The following DGKB variants were observed in gnomAD, a reference collection of about 807,000 sequenced individuals.
DGKB encodes 90 kDa diacylglycerol kinase.
Under a neutral mutation model 114.3 loss-of-function variants are expected in DGKB, and 67 were observed. The observed-to-expected ratio is 0.59, with a 90% CI of 0.48 to 0.72. The LOEUF (loss-of-function observed/expected upper bound fraction) is 0.72, where lower values mean the gene tolerates loss of function less well. Ranked by LOEUF, DGKB falls within the 30% of genes least tolerant of loss-of-function variation. The pLI, the probability that DGKB is intolerant of heterozygous loss-of-function variation, is 0.00. For synonymous variants in DGKB, 398 were observed against 323.1 expected (o/e 1.23, Z -2.49); for missense variants, 907 against 975.2 (o/e 0.93, Z 0.93).
intron 20 of DGKB, among the ~76,000 whole-genome samples, chr7:14,549,474 A>T (rs894496183): frequency 2.0e-5 from 3 of 152,110 alleles, no homozygotes; most frequent in African/African-American, 7.2e-5. Flanking sequence ...TAGTTATTTT[A>T]AAATATTCTA....
At chr7:14,279,049 C>T (rs1227244931) in intron 23 of DGKB, among the ~76,000 whole-genome samples, 2 of 152,146 alleles carry the variant, frequency 1.3e-5, no homozygotes, top group African/African-American at 2.4e-5. Context: ...CGAAGCAGGG[C>T]GAGGCATTGC....
intron 1 of DGKB, among the ~76,000 whole-genome samples, chr7:14,923,042 A>T (rs1784584322): frequency 1.3e-5 from 2 of 152,106 alleles, no homozygotes; most frequent in Admixed American, 1.3e-4. Flanking sequence ...TCTGGTAACC[A>T]TTCTTCTAGA....
chr7:14,534,540 G>A (rs539826482), intron 20 of DGKB, among the ~76,000 whole-genome samples: 1 of 152,144 alleles, frequency 6.6e-6, no homozygotes, highest in Non-Finnish European at 1.5e-5. Flanking sequence ...GAACCAACTA[G>A]ATGCTTTCTC....
intron 21 of DGKB, among the ~76,000 whole-genome samples, chr7:14,352,231 T>A (rs1045438105): frequency 2.0e-5 from 3 of 152,196 alleles, no homozygotes; most frequent in African/African-American, 4.8e-5. Context: ...GAATTACTTT[T>A]ACAGGACTAA....
intron 1 of DGKB, among the ~76,000 whole-genome samples, chr7:14,889,263 A>G (rs1399878786): frequency 6.6e-6 from 1 of 151,712 alleles, no homozygotes; most frequent in Non-Finnish European, 1.5e-5. Flanking sequence ...TCCAAAGTTC[A>G]GCTCTACCAG....
chr7:14,775,844 T>C (rs1158642935), intron 2 of DGKB, among the ~76,000 whole-genome samples: 7 of 151,952 alleles, frequency 4.6e-5, no homozygotes, highest in African/African-American at 1.4e-4. Flanking sequence ...AAATTGGTCA[T>C]GGGAGGAGTG....
intron 23 of DGKB, among the ~76,000 whole-genome samples, chr7:14,334,073 T>C (rs1391248582): frequency 6.6e-6 from 1 of 152,156 alleles, no homozygotes; most frequent in Non-Finnish European, 1.5e-5. Flanking sequence ...TGAGGAAAAA[T>C]ACATCTTATG....
intron 23 of DGKB, among the ~76,000 whole-genome samples, chr7:14,307,250 CTCTT>C (rs745863357): frequency 1.3e-5 from 2 of 152,066 alleles, no homozygotes; most frequent in Non-Finnish European, 2.9e-5. Context: ...CAAACTATAC[CTCTT>C]TCTAATTTCT....
At chr7:14,493,600 A>T (rs527595401) in intron 20 of DGKB, among the ~76,000 whole-genome samples, 7 of 152,158 alleles carry the variant, frequency 4.6e-5, no homozygotes, top group Admixed American at 1.3e-4. Context: ...CGAGTGACCT[A>T]AGTGGCAGGT....
chr7:14,847,040 C>A (rs1848713422), intron 1 of DGKB, among the ~76,000 whole-genome samples: 1 of 152,068 alleles, frequency 6.6e-6, no homozygotes, highest in Non-Finnish European at 1.5e-5. Context: ...CCTGTAATCC[C>A]AGGACTTTGG....
chr7:14,338,949 G>A (rs1811144706), intron 22 of DGKB, among the ~76,000 whole-genome samples: 1 of 151,968 alleles, frequency 6.6e-6, no homozygotes, highest in African/African-American at 2.4e-5. Flanking sequence ...TAAATCACCA[G>A]TATATCTTTG....
chr7:14,479,502 A>G (rs924263821), intron 20 of DGKB, among the ~76,000 whole-genome samples: 17 of 152,150 alleles, frequency 1.1e-4, no homozygotes, highest in Non-Finnish European at 2.2e-4. Flanking sequence ...AACAATGCTT[A>G]TAATAAAGGT....
intron 2 of DGKB, among the ~76,000 whole-genome samples, chr7:14,780,202 G>T (rs1265795298): frequency 6.6e-6 from 1 of 152,130 alleles, no homozygotes; most frequent in African/African-American, 2.4e-5. Flanking sequence ...AAAGTAACAT[G>T]AGTCTATAAA....
intron 2 of DGKB, among the ~76,000 whole-genome samples, chr7:14,829,854 A>C (rs1183844469): frequency 6.6e-6 from 1 of 152,098 alleles, no homozygotes; most frequent in African/African-American, 2.4e-5. Context: ...GTGCCTCATA[A>C]GTGGCTTGTG....
At chr7:14,360,485 A>C (rs1436092235) in intron 21 of DGKB, among the ~76,000 whole-genome samples, 1 of 150,986 alleles carries the variant, frequency 6.6e-6, no homozygotes, top group Non-Finnish European at 1.5e-5. Flanking sequence ...AAAGCTCATT[A>C]GTTTTAATAG....
chr7:14,619,124 C>T (rs1207624070), intron 15 of DGKB, among the ~76,000 whole-genome samples: 1 of 151,222 alleles, frequency 6.6e-6, no homozygotes, highest in African/African-American at 2.4e-5. Context: ...CAGGCTTTTG[C>T]ACATGATTAT....
chr7:14,892,228 C>A (rs2128226630), intron 1 of DGKB, among the ~76,000 whole-genome samples: 1 of 151,322 alleles, frequency 6.6e-6, no homozygotes, highest in East Asian at 1.9e-4. Context: ...CAGGTAATAC[C>A]AAGATCCAGA....
chr7:14,778,961 A>T (rs1838653327), intron 2 of DGKB, among the ~76,000 whole-genome samples: 1 of 152,060 alleles, frequency 6.6e-6, no homozygotes. Flanking sequence ...TTCGAGATCA[A>T]CCTGGCCAAC....
At chr7:14,576,056 A>AT (rs1344393834) in intron 19 of DGKB, among the ~76,000 whole-genome samples, 1 of 152,204 alleles carries the variant, frequency 6.6e-6, no homozygotes, top group Non-Finnish European at 1.5e-5. Context: ...TACTTAATAC[A>AT]TACAGTAAAG....
Sources: allele counts gnomAD v4.1 joint callset (sites outside exome capture counted in the v4.1 genomes callset), GRCh38; gene constraint gnomAD v4.1.1; transcripts MANE v1.5; gene names NCBI Gene and HGNC (gene_info 2026-07-23, HGNC 2026-07-21).